PLEKHF1: variants seen among roughly 807,000 people sequenced by gnomAD.
PLEKHF1 encodes the protein pleckstrin homology and FYVE domain containing 1.
A neutral mutation model predicts 4.1 loss-of-function variants in PLEKHF1; 1 was observed. The ratio of observed to expected loss-of-function variants is 0.24; its 90% CI spans 0.09 to 1.15. The LOEUF (loss-of-function observed/expected upper bound fraction) is 1.15. Ranked by LOEUF, PLEKHF1 falls within the 50% of genes most tolerant of loss-of-function variation. PLEKHF1 has a pLI of 0.52. For synonymous variants in PLEKHF1, 182 were observed against 178.5 expected (o/e 1.02, Z -0.16); for missense variants, 429 against 400.6 (o/e 1.07, Z -0.60).
rs1411597545 is a variant in PLEKHF1, at chr19:29,665,569, T to C, written c.-17+64T>C. ...GCGGGGCAGGCGCATGAGGCGAGTC[T>C]CCCATCACCACCCCCGGACAAGCGA... On this transcript the variant is annotated intron_variant, in intron 1 of 1. Coordinates refer to ENST00000436066, the MANE Select transcript of PLEKHF1 (RefSeq NM_024310.5). The C allele has an allele frequency of 2.4e-6, 3 of 1,247,022 alleles. No homozygotes were observed. In the Admixed American group the frequency reaches 7.9e-5, roughly 33 times the overall value. The allele number at this position is 1,247,022 out of a possible 1,614,324, so 77.2% of individuals were successfully genotyped here.
intron 1 of PLEKHF1, among the ~76,000 whole-genome samples, chr19:29,667,911 C>T (rs1438939183): frequency 6.6e-6 from 1 of 152,250 alleles, no homozygotes; most frequent in Non-Finnish European, 1.5e-5. Flanking sequence ...CTCTGTCCCA[C>T]ATGGCTGTGT....
At chr19:29,673,742 T>TA in intron 1 of PLEKHF1, 82 bp from the exon 2 acceptor site, 1 of 1,523,438 alleles carries the variant, frequency 6.6e-7, no homozygotes, top group East Asian at 2.3e-5. Flanking sequence ...CATGGTGGGT[T>TA]AGTCAGTTGG....
At chr19:29,665,620 C>A (rs938626132) in intron 1 of PLEKHF1, 115 bp downstream of exon 1, 29 of 1,179,296 alleles carry the variant, frequency 2.5e-5, no homozygotes, top group African/African-American at 3.4e-5. Context: ...GCGGTCTTGG[C>A]GGCTCCTGGG....
intron 1 of PLEKHF1, among the ~76,000 whole-genome samples, chr19:29,672,997 T>G (rs1419093207): frequency 6.6e-6 from 1 of 152,180 alleles, no homozygotes; most frequent in African/African-American, 2.4e-5. Flanking sequence ...CACACTCCAC[T>G]CGGGACGGCA....
At position 29,671,563 on chromosome 19, in the gene PLEKHF1, G is replaced by C. The variant is rs1019266207; in HGVS notation, c.-16-2261G>C. Among the ~76,000 whole-genome samples the C allele has an allele frequency of 6.6e-6, 1 of 152,128 alleles. No individual in the cohort carries two copies. The highest frequency in any genetic ancestry group is 2.4e-5 in the African/African-American group (1 of 41,410). On this transcript the variant is annotated intron_variant, in intron 1 of 1. Coordinates refer to ENST00000436066, the MANE Select transcript of PLEKHF1 (RefSeq NM_024310.5). The surrounding 1 kb of genome is among the most constrained non-coding windows in gnomAD (Gnocchi z 4.0). ...ATTGTCCCTCAGCCAGGTACTCGGT[G>C]ATCAGTCATGGTGGGACAGGTCAGT...
At chr19:29,673,696 C>A in intron 1 of PLEKHF1, 128 bp from the exon 2 acceptor site, 2 of 1,260,578 alleles carry the variant, frequency 1.6e-6, no homozygotes, top group Non-Finnish European at 2.2e-6. Flanking sequence ...CTGGGCAGGC[C>A]TGCGGGTTAC....
Position 29,675,384 on chromosome 19 carries a change from T to C in PLEKHF1, c.*705T>C, listed in dbSNP as rs1373403539. The C allele has an allele frequency of 6.0e-6, 1 of 167,106 alleles. No individual in the cohort carries two copies. Among genetic ancestry groups the C allele is most frequent in the African/African-American group, 2.4e-5 (1 of 41,468 alleles). The allele number at this position is 167,106 out of a possible 1,614,324, so 10.4% of individuals were successfully genotyped here. A position where few individuals can be genotyped will look rare whatever the true frequency, so the allele number is the denominator to read the frequency against. On this transcript the variant is annotated 3_prime_UTR_variant, in exon 2 of 2. Transcript: ENST00000436066. ...GCTCTCCGTGTGGTCAGCGAAACCA[T>C]TGTTTTCTGTTAGGACTCAGTTGCA...
chr19:29,674,061 C>T lies in PLEKHF1; in HGVS notation c.222C>T (p.Tyr74=), dbSNP rs1395401161. 6.2e-7 allele frequency: 1 copy of T among 1,614,124 alleles called. No homozygotes were observed. Among genetic ancestry groups the T allele is most frequent in the Admixed American group, 1.7e-5 (1 of 60,036 alleles). Residue 74 remains tyrosine (Y), a synonymous_variant, in exon 2 of 2, where the codon TAC becomes TAT. Transcript: ENST00000436066. ...YGSIVLNKRK[Y]RSQHIIPLEE... is the part of the protein sequence containing the mutation. ...GCATCGTGCTCAACAAGCGCAAGTA[C>T]CGCAGCCAGCACATCATCCCCCTGG...
At position 29,665,495 on chromosome 19, in the gene PLEKHF1, C is replaced by T; in HGVS notation, c.-27C>T. 2.6e-6 allele frequency: 3 copies of T among 1,164,852 alleles called. No individual in the cohort carries two copies. Among genetic ancestry groups the T allele is most frequent in the South Asian group, 1.4e-5 (1 of 72,888 alleles). The allele number at this position is 1,164,852 out of a possible 1,614,324, so 72.2% of individuals were successfully genotyped here. ...TGGACTCGAGGGCTGGGCGCGGGGC[C>T]GGCGCAGAAGGTGAGTCCCCCCACC... On this transcript the variant is annotated 5_prime_UTR_variant, in exon 1 of 2. Coordinates refer to ENST00000436066, the MANE Select transcript of PLEKHF1 (RefSeq NM_024310.5).
intron 1 of PLEKHF1, 49 bp downstream of exon 1, chr19:29,665,554 C>A: frequency 8.0e-7 from 1 of 1,252,658 alleles, no homozygotes; most frequent in Non-Finnish European, 1.0e-6. Context: ...GCGGGGCAGG[C>A]GCATGAGGCG....
In PLEKHF1 at chr19:29,674,388, C is replaced by T. The variant is rs781006350; in HGVS notation, c.549C>T (p.Cys183=). Residue 183 remains cysteine, a synonymous_variant, in exon 2 of 2, where the codon TGC becomes TGT. Transcript: ENST00000436066. The part of the protein sequence containing the change: ...HHCRKCGFVV[C]AECSRQRFLL... ...GCCGCAAGTGCGGCTTCGTGGTCTG[C>T]GCTGAGTGCTCGCGCCAGCGCTTCC... 8.7e-5 allele frequency: 134 copies of T among 1,534,114 alleles called. No individual in the cohort carries two copies. Among genetic ancestry groups the T allele is most frequent in the Admixed American group, 1.4e-4 (7 of 50,996 alleles).
In PLEKHF1 at chr19:29,673,818, C is replaced by T. The variant is rs913502746; in HGVS notation, c.-16-6C>T. The T allele has an allele frequency of 1.9e-6, 3 of 1,575,738 alleles. No homozygotes were observed. Among genetic ancestry groups the T allele is most frequent in the Non-Finnish European group, 2.6e-6 (3 of 1,158,650 alleles). On this transcript the variant is annotated splice_polypyrimidine_tract_variant and splice_region_variant and intron_variant, in intron 1 of 1. Transcript: ENST00000436066. ...GGACATACTCCTTGTCTGTCTCCTC[C>T]TGCAGCCGCCAGCTGGAGACGATGG... is the stretch of plus-strand genomic sequence containing the variant.
chr19:29,665,986 T>C (rs541375621), intron 1 of PLEKHF1, among the ~76,000 whole-genome samples: 18 of 151,606 alleles, frequency 1.2e-4, no homozygotes, highest in Non-Finnish European at 2.5e-4. Flanking sequence ...GGGTCCCAGT[T>C]CCTCTGGAGC....
chr19:29,673,749 T>A (rs1291709369), intron 1 of PLEKHF1, 75 bp from the exon 2 acceptor site: 1 of 1,533,180 alleles, frequency 6.5e-7, no homozygotes, highest in Non-Finnish European at 8.8e-7. Flanking sequence ...GGTTAGTCAG[T>A]TGGGGGTGGG....
rs758558065 is a variant in PLEKHF1, at chr19:29,665,500, CAGA to C, written c.-19_-17del. ...TCGAGGGCTGGGCGCGGGGCCGGCGCAGAAGGTGAGTCCCCCCACCGTCCCCCG... is the reference window on the plus strand; with the variant it reads ...TCGAGGGCTGGGCGCGGGGCCGGCGCAGGTGAGTCCCCCCACCGTCCCCCG... On this transcript the variant is annotated splice_region_variant and 5_prime_UTR_variant, in exon 1 of 2. Transcript: ENST00000436066. 1,027 of 1,183,772 alleles carry C rather than the reference CAGA, an allele frequency of 8.7e-4. No individual in the cohort carries two copies. Among genetic ancestry groups the C allele is most frequent in the Non-Finnish European group, 1.0e-3 (918 of 919,588 alleles). 73.3% of individuals were successfully genotyped at this position (1,183,772 alleles called of 1,614,324 possible).
At chr19:29,672,808 T>G (rs1330248344) in intron 1 of PLEKHF1, among the ~76,000 whole-genome samples, 2 of 152,130 alleles carry the variant, frequency 1.3e-5, no homozygotes, top group African/African-American at 4.8e-5. Flanking sequence ...ACAGCCCTCC[T>G]AGAGCTTGGA....
intron 1 of PLEKHF1, chr19:29,665,927 C>A: frequency 1.8e-6 from 1 of 551,872 alleles, no homozygotes; most frequent in Non-Finnish European, 2.3e-6. Flanking sequence ...GTCTGGAGGC[C>A]TGGATGGGAC....
intron 1 of PLEKHF1, among the ~76,000 whole-genome samples, chr19:29,666,404 C>T (rs2145584651): frequency 6.6e-6 from 1 of 152,312 alleles, no homozygotes; most frequent in South Asian, 2.1e-4. Context: ...CTTCGGCCTG[C>T]GTCCCTGCAC....
chr19:29,673,117 C>T (rs377473512), intron 1 of PLEKHF1, among the ~76,000 whole-genome samples: 47 of 152,256 alleles, frequency 3.1e-4, no homozygotes, highest in African/African-American at 1.0e-3. Context: ...GAGATAGTCA[C>T]GCTTGGCTGA....
Sources: gnomAD v4.1 joint callset for allele counts (sites outside exome capture counted in the v4.1 genomes callset) on GRCh38, gnomAD v4.1.1 for gene constraint, Gnocchi (gnomAD v3.1) non-coding constraint, MANE v1.5 for transcripts, NCBI Gene and HGNC (gene_info 2026-07-23, HGNC 2026-07-21) for gene names.